PPA2: variants seen among roughly 807,000 people sequenced by gnomAD.
The protein encoded by PPA2 is inorganic pyrophosphatase 2, also known as inorganic pyrophosphatase 2, mitochondrial.
In PPA2, 48 loss-of-function variants were observed where a neutral mutation model predicts 49.5. That is an observed-to-expected ratio of 0.97 (90% confidence interval 0.77 to 1.23). The LOEUF (loss-of-function observed/expected upper bound fraction) is 1.23. Ranked by LOEUF, PPA2 falls within the 50% of genes most tolerant of loss-of-function variation. The pLI, the probability that PPA2 is intolerant of heterozygous loss-of-function variation, is 0.00. For missense variants in PPA2, 429 were observed against 410.1 expected (o/e 1.05, Z -0.40); for synonymous variants, 131 against 139.9 (o/e 0.94, Z 0.45).
At chr4:105,449,210 C>G (rs1351834389) in intron 4 of PPA2, 140 bp downstream of exon 4, 4 of 300,392 alleles carry the variant, frequency 1.3e-5, no homozygotes, top group African/African-American at 7.2e-5. Flanking sequence ...GAGCGAGACT[C>G]CGTCTCAAAA....
Position 105,437,986 on chromosome 4 carries a change from A to G in PPA2, c.492T>C (p.Asp164=), listed in dbSNP as rs1458333901. 1 of 1,609,998 alleles carries G rather than the reference A, an allele frequency of 6.2e-7. No individual in the cohort carries two copies. Among genetic ancestry groups the G allele is most frequent in the South Asian group, 1.1e-5 (1 of 89,816 alleles). ...EKDKSTNCFG[D]NDPIDVCEIG... ...TTTCGCAAACATCAATAGGATCATT[A>G]TCTCCAAAGCAGTTCGTGCTCTTAT... The change falls in exon 6 of 12, where the codon GAT becomes GAC. Residue 164 remains aspartate, a synonymous_variant. Transcript: ENST00000341695.
At chr4:105,473,378 C>T (rs1723607558) in intron 1 of PPA2, 1 of 349,346 alleles carries the variant, frequency 2.9e-6, no homozygotes, top group East Asian at 9.1e-5. Context: ...CATCAGAGTC[C>T]CTCCAAAAAA....
intron 7 of PPA2, among the ~76,000 whole-genome samples, chr4:105,418,732 G>A (rs1578840748): frequency 6.6e-6 from 1 of 152,232 alleles, no homozygotes; most frequent in East Asian, 1.9e-4. Context: ...TTATTTAAAG[G>A]CCAAACAAAA....
chr4:105,383,345 T>C (rs1436401731), intron 10 of PPA2, among the ~76,000 whole-genome samples: 1 of 152,244 alleles, frequency 6.6e-6, no homozygotes, highest in African/African-American at 2.4e-5. Context: ...CTATTTTGTT[T>C]CTAAGATGGT....
intron 5 of PPA2, among the ~76,000 whole-genome samples, chr4:105,445,253 A>G (rs1724555512): frequency 6.6e-6 from 1 of 152,126 alleles, no homozygotes; most frequent in Admixed American, 6.6e-5. Context: ...CCTCATCCAC[A>G]CATTTCCTAC....
chr4:105,473,650 A>T, intron 1 of PPA2: 1 of 746,384 alleles, frequency 1.3e-6, no homozygotes. Flanking sequence ...TCTACCCCCC[A>T]GCCGGCAGCC....
chr4:105,403,049 G>C (rs539597092), intron 7 of PPA2, among the ~76,000 whole-genome samples: 2 of 150,930 alleles, frequency 1.3e-5, no homozygotes, highest in South Asian at 4.2e-4. Context: ...TTTTGACACA[G>C]TGTCTTGCTC....
At chr4:105,420,138 A>T (rs2110264190) in intron 7 of PPA2, among the ~76,000 whole-genome samples, 1 of 152,158 alleles carries the variant, frequency 6.6e-6, no homozygotes. Flanking sequence ...ACACCCAGCT[A>T]ATTTTGTATT....
Position 105,470,538 on chromosome 4 carries a change from C to A in PPA2, c.157+3356G>T, listed in dbSNP as rs560573343. Among the ~76,000 whole-genome samples the A allele has an allele frequency of 5.5e-4, 83 of 152,256 alleles. No individual in the cohort carries two copies. The South Asian group carries it at 6.0e-3, about 11-fold the overall frequency. On this transcript the variant is annotated intron_variant, in intron 1 of 11. Transcript: ENST00000341695. The stretch of plus-strand genomic sequence containing the variant: ...AAATAAAATGAATAAACAACAACAA[C>A]AAAAAACCTTCTGAAACCTATAAAT...
chr4:105,450,520 G>A (rs1216435393), intron 3 of PPA2, among the ~76,000 whole-genome samples: 6 of 150,756 alleles, frequency 4.0e-5, no homozygotes, highest in Admixed American at 1.3e-4. Flanking sequence ...GGGATTACAG[G>A]TGCCCGCCAG....
In PPA2 at chr4:105,454,493, G is replaced by A. The variant is rs373902823; in HGVS notation, c.223-851C>T. Among the ~76,000 whole-genome samples the A allele has an allele frequency of 3.9e-4, 59 of 152,068 alleles. 2 individuals are homozygous for A. The South Asian group carries it at 0.012, about 31-fold the overall frequency. On this transcript the variant is annotated intron_variant, in intron 2 of 11. Coordinates refer to ENST00000341695, the MANE Select transcript of PPA2 (RefSeq NM_176869.3). ...CTACAGGCGCCCGCTACCAGGCCTG[G>A]CTAATTTTTTTTTGTATTTTTAGTA...
At chr4:105,449,723 GAAGT>G (rs1444459109) in intron 3 of PPA2, among the ~76,000 whole-genome samples, 3 of 152,174 alleles carry the variant, frequency 2.0e-5, no homozygotes, top group African/African-American at 7.2e-5. Flanking sequence ...AACTAAAATA[GAAGT>G]GAGAGAACCA....
At chr4:105,456,191 T>G (rs1385230696) in intron 2 of PPA2, 1 of 472,182 alleles carries the variant, frequency 2.1e-6, no homozygotes, top group East Asian at 5.6e-5. Context: ...ATAGAGTGGT[T>G]AAAGAGCATA....
At chr4:105,427,176 G>C (rs1723553552) in intron 6 of PPA2, among the ~76,000 whole-genome samples, 1 of 152,100 alleles carries the variant, frequency 6.6e-6, no homozygotes, top group Admixed American at 6.6e-5. Flanking sequence ...GGACATCCAT[G>C]CCAAAACCCC....
At chr4:105,429,855 A>G (rs1050153513) in intron 6 of PPA2, among the ~76,000 whole-genome samples, 4 of 152,224 alleles carry the variant, frequency 2.6e-5, no homozygotes, top group Non-Finnish European at 5.9e-5. Context: ...AAGCCTTAAG[A>G]AAATAATAAA....
chr4:105,416,075 G>T (rs370432380), intron 7 of PPA2, among the ~76,000 whole-genome samples: 1 of 152,146 alleles, frequency 6.6e-6, no homozygotes, highest in Non-Finnish European at 1.5e-5. Context: ...TTAATTAATG[G>T]AATGGTTCTC....
chr4:105,464,317 T>C (rs779637544), intron 1 of PPA2, among the ~76,000 whole-genome samples: 2 of 152,212 alleles, frequency 1.3e-5, no homozygotes, highest in Non-Finnish European at 2.9e-5. Flanking sequence ...ATTTCTCCCA[T>C]TTGGAATGTT....
chr4:105,422,631 G>A (rs887054321), intron 7 of PPA2, among the ~76,000 whole-genome samples: 1 of 129,168 alleles, frequency 7.7e-6, no homozygotes, highest in African/African-American at 2.5e-5. Flanking sequence ...ACAGTACTGA[G>A]CAATTCACAC....
intron 7 of PPA2, among the ~76,000 whole-genome samples, chr4:105,417,318 G>A (rs1723056513): frequency 6.6e-6 from 1 of 152,054 alleles, no homozygotes; most frequent in South Asian, 2.1e-4. Flanking sequence ...TTTACTAACA[G>A]AAGACAACAA....
Sources: allele counts gnomAD v4.1 joint callset (sites outside exome capture counted in the v4.1 genomes callset), GRCh38; gene constraint gnomAD v4.1.1; transcripts MANE v1.5; gene names NCBI Gene and HGNC (gene_info 2026-07-23, HGNC 2026-07-21).